Variants in TMEM108 observed in about 807,000 individuals in gnomAD.
TMEM108 encodes the protein transmembrane protein 108.
TMEM108 carries 12 observed loss-of-function variants against 35.1 expected under a neutral mutation model. The observed-to-expected ratio is 0.34, with a 90% CI of 0.22 to 0.55. The LOEUF (loss-of-function observed/expected upper bound fraction) is 0.55. Among genes scored for constraint, TMEM108 ranks in the 20% least tolerant of loss-of-function variants. The pLI, the probability that TMEM108 is intolerant of heterozygous loss-of-function variation, is 0.89. For synonymous variants in TMEM108, 287 were observed against 308.6 expected, an observed-to-expected ratio of 0.93 and a Z score of 0.73; for missense variants, 680 against 753.3, an observed-to-expected ratio of 0.90 and a Z score of 1.14.
At chr3:133,095,087 G>A (rs1943996334) in intron 2 of TMEM108, among the ~76,000 whole-genome samples, 1 of 152,136 alleles carries the variant, frequency 6.6e-6, no homozygotes, top group South Asian at 2.1e-4. Flanking sequence ...TAGATAACTA[G>A]CTTCTTAATT....
intron 2 of TMEM108, among the ~76,000 whole-genome samples, chr3:133,144,190 T>C (rs1432066147): frequency 6.6e-6 from 1 of 152,124 alleles, no homozygotes; most frequent in East Asian, 1.9e-4. Context: ...TTCTCGCTAT[T>C]CAACTTCCAC....
intron 5 of TMEM108, among the ~76,000 whole-genome samples, chr3:133,393,267 T>C (rs1318012682): frequency 6.6e-6 from 1 of 152,212 alleles, no homozygotes; most frequent in African/African-American, 2.4e-5. Flanking sequence ...ATTAATTAAA[T>C]CTCCAACCTC....
chr3:133,373,546 A>T (rs556775942), intron 3 of TMEM108, among the ~76,000 whole-genome samples: 1 of 152,156 alleles, frequency 6.6e-6, no homozygotes, highest in South Asian at 2.1e-4. Flanking sequence ...AAGGTAAATC[A>T]TTTCACTTTG....
At chr3:133,214,717 G>A (rs1945881205) in intron 2 of TMEM108, among the ~76,000 whole-genome samples, 1 of 152,140 alleles carries the variant, frequency 6.6e-6, no homozygotes, top group African/African-American at 2.4e-5. Context: ...TCCATGGCCT[G>A]TTAGGAACCA....
intron 2 of TMEM108, among the ~76,000 whole-genome samples, chr3:133,212,219 G>A (rs1364573470): frequency 1.3e-5 from 2 of 152,164 alleles, no homozygotes; most frequent in East Asian, 3.8e-4. Context: ...CATCTGGCTT[G>A]TAGTCTTGGC....
chr3:133,289,047 T>C (rs1229939847), intron 3 of TMEM108, among the ~76,000 whole-genome samples: 3 of 152,150 alleles, frequency 2.0e-5, no homozygotes, highest in African/African-American at 7.2e-5. Flanking sequence ...CATATAGTAA[T>C]AGTAATTTTT....
chr3:133,365,749 G>T lies in TMEM108; in HGVS notation c.41-14003G>T, dbSNP rs1400072541. ...TTTCTTGGGCTCAACTCAGAGTCAG[G>T]GTTTGAACTATATCCCCGGCTGGAA... On this transcript the variant is annotated intron_variant, in intron 3 of 5. Coordinates refer to ENST00000321871, the MANE Select transcript of TMEM108 (RefSeq NM_023943.4). Among the ~76,000 whole-genome samples the T allele has an allele frequency of 2.0e-5, 3 of 152,146 alleles. No homozygotes were observed. The East Asian group carries it at 5.8e-4, about 29-fold the overall frequency.
intron 2 of TMEM108, among the ~76,000 whole-genome samples, chr3:133,089,829 A>G (rs1375768204): frequency 2.0e-5 from 3 of 152,222 alleles, no homozygotes; most frequent in Non-Finnish European, 4.4e-5. Context: ...ATAGACAGCA[A>G]ATAGATTTGT....
chr3:133,358,966 G>C (rs2072263029), intron 3 of TMEM108, among the ~76,000 whole-genome samples: 1 of 152,134 alleles, frequency 6.6e-6, no homozygotes, highest in Non-Finnish European at 1.5e-5. Context: ...ATCAGGAGTT[G>C]GCAAACTACA....
intron 2 of TMEM108, among the ~76,000 whole-genome samples, chr3:133,207,524 C>T (rs930347394): frequency 6.6e-6 from 1 of 152,050 alleles, no homozygotes; most frequent in Admixed American, 6.6e-5. Flanking sequence ...TGGCTATCAT[C>T]GTAAAGTTTT....
intron 2 of TMEM108, among the ~76,000 whole-genome samples, chr3:133,115,951 T>TG (rs1339498488): frequency 4.6e-5 from 7 of 152,134 alleles, no homozygotes; most frequent in Admixed American, 4.6e-4. Flanking sequence ...CTGATTTCAG[T>TG]GGGGGTGGGG....
intron 3 of TMEM108, among the ~76,000 whole-genome samples, chr3:133,373,380 TAGATGATA>T: frequency 8.7e-6 from 1 of 114,946 alleles, no homozygotes; most frequent in South Asian, 3.1e-4. Context: ...TTTAGATAGA[TAGATGATA>T]GATAGATAGA....
rs754892813 is a variant in TMEM108, at chr3:133,397,553, T to G, written c.*1567T>G. 1 of 152,222 alleles carries G rather than the reference T, an allele frequency of 6.6e-6. No homozygotes were observed. The highest frequency in any genetic ancestry group is 1.5e-5 in the Non-Finnish European group (1 of 68,042). The allele number at this position is 152,222 out of a possible 1,614,324, so 9.4% of individuals were successfully genotyped here. On this transcript the variant is annotated 3_prime_UTR_variant, in exon 6 of 6. Coordinates refer to ENST00000321871, the MANE Select transcript of TMEM108 (RefSeq NM_023943.4). ...TTCTAGCGTGTTGTTGTCTTACCTT[T>G]TTAACCTTACCATAATATTTCTGTT... is the stretch of plus-strand genomic sequence containing the variant.
chr3:133,190,251 C>CTAA (rs1330554561), intron 2 of TMEM108, among the ~76,000 whole-genome samples: 1 of 152,156 alleles, frequency 6.6e-6, no homozygotes, highest in Non-Finnish European at 1.5e-5. Context: ...AGCCAGAGGG[C>CTAA]TAATGTCCAA....
At chr3:133,120,687 G>A (rs1377633219) in intron 2 of TMEM108, among the ~76,000 whole-genome samples, 2 of 152,128 alleles carry the variant, frequency 1.3e-5, no homozygotes, top group South Asian at 2.1e-4. Flanking sequence ...AGTAAATAAA[G>A]TACCTTTGTA....
chr3:133,286,507 A>T (rs1346166726), intron 3 of TMEM108, among the ~76,000 whole-genome samples: 5 of 151,692 alleles, frequency 3.3e-5, no homozygotes, highest in African/African-American at 7.3e-5. Flanking sequence ...CTAATTAAAA[A>T]TTTTTTTTTG....
intron 2 of TMEM108, among the ~76,000 whole-genome samples, chr3:133,087,625 T>C (rs1943899528): frequency 6.6e-6 from 1 of 152,202 alleles, no homozygotes; most frequent in Admixed American, 6.5e-5. Flanking sequence ...TAAGATTGGT[T>C]ATGCCAGGAC....
At chr3:133,089,967 T>C (rs1943928793) in intron 2 of TMEM108, among the ~76,000 whole-genome samples, 1 of 152,156 alleles carries the variant, frequency 6.6e-6, no homozygotes, top group Non-Finnish European at 1.5e-5. Context: ...GCTACTGGAA[T>C]TTAAAGGCAA....
intron 5 of TMEM108, among the ~76,000 whole-genome samples, chr3:133,391,091 A>G (rs1040861662): frequency 6.6e-6 from 1 of 152,224 alleles, no homozygotes; most frequent in African/African-American, 2.4e-5. Flanking sequence ...ATGGGGTATT[A>G]TGGCATTGGG....
Sources: allele counts gnomAD v4.1 joint callset (sites outside exome capture counted in the v4.1 genomes callset), GRCh38; gene constraint gnomAD v4.1.1; transcripts MANE v1.5; gene names NCBI Gene and HGNC (gene_info 2026-07-23, HGNC 2026-07-21).